Variants in FIG4 observed in about 807,000 individuals in gnomAD.
FIG4 encodes FIG4 phosphoinositide 5-phosphatase, also known as polyphosphoinositide phosphatase.
FIG4 carries 112 observed loss-of-function variants against 118.6 expected under a neutral mutation model. That is an observed-to-expected ratio of 0.94 (90% CI 0.81 to 1.11). The LOEUF (loss-of-function observed/expected upper bound fraction) is 1.11, where lower values mean the gene tolerates loss of function less well. Ranked by LOEUF, FIG4 falls within the 50% of genes least tolerant of loss-of-function variation. FIG4 has a pLI of 0.00. For missense variants in FIG4, 969 were observed against 1,111.7 expected (o/e 0.87, Z 1.83); for synonymous variants, 369 against 381.2 (o/e 0.97, Z 0.37).
At chr6:109,692,258 T>C (rs1774487551) in intron 1 of FIG4, among the ~76,000 whole-genome samples, 1 of 152,242 alleles carries the variant, frequency 6.6e-6, no homozygotes, top group African/African-American at 2.4e-5. Flanking sequence ...CTCTTCTAAA[T>C]TGGGGTGCCA....
chr6:109,696,765 G>A (rs1037669392), intron 1 of FIG4, among the ~76,000 whole-genome samples: 1 of 152,050 alleles, frequency 6.6e-6, no homozygotes, highest in South Asian at 2.1e-4. Context: ...TGATAGGGAG[G>A]GAGGGTTAAC....
chr6:109,692,119 A>G (rs1277466615), intron 1 of FIG4, among the ~76,000 whole-genome samples: 1 of 152,204 alleles, frequency 6.6e-6, no homozygotes, highest in Non-Finnish European at 1.5e-5. Context: ...TTGAATGGCC[A>G]TGTAAATAGT....
intron 22 of FIG4, among the ~76,000 whole-genome samples, chr6:109,823,658 G>A (rs1386368759): frequency 6.6e-6 from 1 of 152,002 alleles, no homozygotes; most frequent in Non-Finnish European, 1.5e-5. Context: ...GACCCAGCTG[G>A]GTCTGAGGTC....
Position 109,789,574 on chromosome 6 carries a change from G to A in FIG4, c.2097-20G>A. The A allele has an allele frequency of 6.4e-7, 1 of 1,568,146 alleles. No individual in the cohort carries two copies. The highest frequency in any genetic ancestry group is 8.8e-7 in the Non-Finnish European group (1 of 1,138,326). On this transcript the variant is annotated intron_variant, in intron 18 of 22. Coordinates refer to ENST00000230124, the MANE Select transcript of FIG4 (RefSeq NM_014845.6). ...GATGGACAGTAATTCATATGTAATT[G>A]TGTTTTCACCTTTCTTTAGTGACTT...
intron 15 of FIG4, among the ~76,000 whole-genome samples, chr6:109,770,397 C>T (rs920042451): frequency 5.3e-5 from 8 of 152,032 alleles, no homozygotes; most frequent in East Asian, 3.9e-4. Context: ...CACCCACATG[C>T]GTGTGCATAA....
At chr6:109,695,601 G>GACACACAC (rs202167631) in intron 1 of FIG4, among the ~76,000 whole-genome samples, 30 of 99,344 alleles carry the variant, frequency 3.0e-4, no homozygotes, top group African/African-American at 9.4e-4. Context: ...CACACACACA[G>GACACACAC]ACACACACAC....
Position 109,760,267 on chromosome 6 carries a change from G to A in FIG4, c.1155G>A (p.Lys385=). 1.2e-6 allele frequency: 2 copies of A among 1,613,802 alleles called. No individual in the cohort carries two copies. The highest frequency in any genetic ancestry group is 2.2e-5 in the South Asian group (2 of 91,070). Reference sequence around the variant, plus strand: ...TGATAAAGGAACGAGAGAAAAGAAAGCATGAAAGAATTCTGAGTGAAGAAC... The same window carrying A: ...TGATAAAGGAACGAGAGAAAAGAAAACATGAAAGAATTCTGAGTGAAGAAC... The part of the protein sequence containing the change: ...LNLVKEREKR[K]HERILSEELV... Residue 385 remains lysine (K), a synonymous_variant, in exon 11 of 23, where the codon AAG becomes AAA. Coordinates refer to ENST00000230124, the MANE Select transcript of FIG4 (RefSeq NM_014845.6).
At chr6:109,716,361 G>T in intron 2 of FIG4, 84 bp from the exon 3 acceptor site, 1 of 1,401,850 alleles carries the variant, frequency 7.1e-7, no homozygotes, top group Non-Finnish European at 1.0e-6. Context: ...GATGCTTGTA[G>T]GTAACTTTTT....
At chr6:109,771,924 A>G (rs895295220) in intron 15 of FIG4, among the ~76,000 whole-genome samples, 3 of 152,044 alleles carry the variant, frequency 2.0e-5, no homozygotes, top group Non-Finnish European at 2.9e-5. Flanking sequence ...AGCATTTTCC[A>G]TCCACCCTTT....
chr6:109,707,388 C>A, intron 1 of FIG4, among the ~76,000 whole-genome samples: 1 of 146,842 alleles, frequency 6.8e-6, no homozygotes, highest in South Asian at 2.1e-4. Flanking sequence ...CATATATACA[C>A]ATATGTATAC....
intron 7 of FIG4, among the ~76,000 whole-genome samples, chr6:109,739,721 A>G (rs1776267812): frequency 6.6e-6 from 1 of 152,140 alleles, no homozygotes; most frequent in Non-Finnish European, 1.5e-5. Flanking sequence ...CTTGGAACCG[A>G]AGTTACAGAT....
intron 3 of FIG4, among the ~76,000 whole-genome samples, chr6:109,721,092 G>A (rs1281008009): frequency 6.6e-6 from 1 of 152,154 alleles, no homozygotes. Flanking sequence ...TAAGCCTCTA[G>A]TATGTTGAAG....
chr6:109,709,939 G>T (rs901935707), intron 1 of FIG4, among the ~76,000 whole-genome samples: 1 of 152,006 alleles, frequency 6.6e-6, no homozygotes, highest in African/African-American at 2.4e-5. Context: ...TTCCTATTTG[G>T]ATACCTTTTA....
At chr6:109,732,227 G>A (rs967952519) in intron 4 of FIG4, among the ~76,000 whole-genome samples, 3 of 151,984 alleles carry the variant, frequency 2.0e-5, no homozygotes, top group African/African-American at 7.2e-5. Flanking sequence ...ACCTTTTTTG[G>A]TGTAAAAACT....
At chr6:109,782,126 A>G (rs913903165) in intron 16 of FIG4, among the ~76,000 whole-genome samples, 1 of 152,178 alleles carries the variant, frequency 6.6e-6, no homozygotes, top group African/African-American at 2.4e-5. Flanking sequence ...TGAAAAAGAA[A>G]AGAGAATCTG....
chr6:109,802,735 A>T (rs1423135405), intron 22 of FIG4, among the ~76,000 whole-genome samples: 1 of 152,210 alleles, frequency 6.6e-6, no homozygotes, highest in African/African-American at 2.4e-5. Context: ...AATTAGAAAA[A>T]GAGAAGAGGA....
chr6:109,796,768 T>A lies in FIG4; in HGVS notation c.2463T>A (p.Phe821Leu). Reference protein sequence around the residue: ...SEEDFSIYSRFVQLGQSQHKQ... With the variant: ...SEEDFSIYSRLVQLGQSQHKQ... ...TCTTATCCATTGTAATTTGTAGATT[T>A]GTTCAGCTGGGGCAGAGTCAACATA... The change falls in exon 22 of 23, where the codon TTT becomes TTA. Residue 821 changes from phenylalanine to leucine, a missense_variant. Coordinates refer to ENST00000230124, the MANE Select transcript of FIG4 (RefSeq NM_014845.6). The A allele has an allele frequency of 6.2e-7, 1 of 1,600,446 alleles. No homozygotes were observed. Among genetic ancestry groups the A allele is most frequent in the East Asian group, 2.2e-5 (1 of 44,810 alleles).
At chr6:109,797,254 A>G (rs1778314331) in intron 22 of FIG4, among the ~76,000 whole-genome samples, 1 of 152,238 alleles carries the variant, frequency 6.6e-6, no homozygotes, top group Non-Finnish European at 1.5e-5. Context: ...TGTAAGTTAA[A>G]CAGGTGTTTT....
At chr6:109,818,358 G>T (rs1391443763) in intron 22 of FIG4, among the ~76,000 whole-genome samples, 8 of 151,954 alleles carry the variant, frequency 5.3e-5, no homozygotes, top group African/African-American at 1.9e-4. Flanking sequence ...GCACCACCAT[G>T]CCCGGCTAAT....
Sources: gnomAD v4.1 joint callset for allele counts (sites outside exome capture counted in the v4.1 genomes callset) on GRCh38, gnomAD v4.1.1 for gene constraint, MANE v1.5 for transcripts, NCBI Gene and HGNC (gene_info 2026-07-23, HGNC 2026-07-21) for gene names.